Variants in DTNA observed in about 807,000 individuals in gnomAD.
DTNA encodes the protein dystrobrevin alpha, also known as dystrophin-related protein 3.
A neutral mutation model predicts 100.7 loss-of-function variants in DTNA; 43 were observed. The observed-to-expected ratio is 0.43, with a 90% CI of 0.33 to 0.55. DTNA has a LOEUF of 0.55. Among genes scored for constraint, DTNA ranks in the 20% least tolerant of loss-of-function variants. The pLI, the probability that DTNA is intolerant of heterozygous loss-of-function variation, is 0.04. For synonymous variants in DTNA, 349 were observed against 347.9 expected, an observed-to-expected ratio of 1.00 and a Z score of -0.04; for missense variants, 798 against 953.9, an observed-to-expected ratio of 0.84 and a Z score of 2.15.
intron 1 of DTNA, among the ~76,000 whole-genome samples, chr18:34,635,939 A>C (rs2730126): frequency 0.21 from 32,460 of 151,516 alleles, 4,035 homozygotes; most frequent in African/African-American, 0.33. Flanking sequence ...AATATCCAAG[A>C]TTGAATAACC....
At chr18:34,533,004 C>T (rs1415591971) in intron 1 of DTNA, among the ~76,000 whole-genome samples, 1 of 151,904 alleles carries the variant, frequency 6.6e-6, no homozygotes, top group Non-Finnish European at 1.5e-5. Context: ...GAATGCAGGA[C>T]ACTTATGTTG....
chr18:34,688,193 G>A (rs2079187527), intron 1 of DTNA, among the ~76,000 whole-genome samples: 1 of 152,184 alleles, frequency 6.6e-6, no homozygotes, highest in Non-Finnish European at 1.5e-5. Flanking sequence ...CATGATGCTA[G>A]CTGGTTATTT....
chr18:34,728,000 A>G (rs1045701926), intron 1 of DTNA, among the ~76,000 whole-genome samples: 3 of 152,228 alleles, frequency 2.0e-5, no homozygotes, highest in African/African-American at 7.2e-5. Context: ...GGTATCCTTA[A>G]TGACTGTCCA....
intron 17 of DTNA, among the ~76,000 whole-genome samples, chr18:34,865,119 A>T (rs1373156490): frequency 2.0e-5 from 3 of 152,218 alleles, no homozygotes; most frequent in African/African-American, 7.2e-5. Flanking sequence ...GAAACTTCTG[A>T]TAGGAGAATG....
chr18:34,732,771 A>G (rs1047591676), intron 1 of DTNA, among the ~76,000 whole-genome samples: 1 of 152,208 alleles, frequency 6.6e-6, no homozygotes, highest in African/African-American at 2.4e-5. Context: ...TTAAATTTCA[A>G]TTTCAGATAA....
chr18:34,806,170 G>A (rs1568585564), intron 4 of DTNA, 49 bp from the exon 5 acceptor site: 2 of 1,516,200 alleles, frequency 1.3e-6, no homozygotes, highest in South Asian at 2.3e-5. Flanking sequence ...ATGACATCAT[G>A]GTTTTGTTTT....
chr18:34,725,165 C>A (rs988391409), intron 1 of DTNA, among the ~76,000 whole-genome samples: 6 of 152,112 alleles, frequency 3.9e-5, no homozygotes, highest in Non-Finnish European at 8.8e-5. Flanking sequence ...CTAGGCAATA[C>A]CATTCAGGAG....
chr18:34,826,350 C>T (rs1180484492), intron 9 of DTNA, among the ~76,000 whole-genome samples: 1 of 151,902 alleles, frequency 6.6e-6, no homozygotes, highest in Non-Finnish European at 1.5e-5. Flanking sequence ...TACACTGTAC[C>T]ATATTTGTGA....
intron 1 of DTNA, among the ~76,000 whole-genome samples, chr18:34,735,547 T>C (rs902066936): frequency 6.6e-6 from 1 of 152,090 alleles, no homozygotes; most frequent in Admixed American, 6.5e-5. Context: ...TTGATTTTCT[T>C]TTATTATTAT....
At chr18:34,720,054 A>G (rs529246910) in intron 1 of DTNA, among the ~76,000 whole-genome samples, 2 of 152,314 alleles carry the variant, frequency 1.3e-5, no homozygotes, top group East Asian at 3.9e-4. Context: ...TAATATTTTT[A>G]TAACCTAAGG....
At chr18:34,562,634 T>A (rs1343999761) in intron 1 of DTNA, among the ~76,000 whole-genome samples, 1 of 152,156 alleles carries the variant, frequency 6.6e-6, no homozygotes. Context: ...TACCTGATGA[T>A]CACTTAGGGC....
intron 16 of DTNA, among the ~76,000 whole-genome samples, chr18:34,861,913 T>C (rs2096632731): frequency 6.6e-6 from 1 of 152,182 alleles, no homozygotes; most frequent in Admixed American, 6.6e-5. Flanking sequence ...CAGTTAACGT[T>C]CTCTGATAGT....
intron 11 of DTNA, among the ~76,000 whole-genome samples, chr18:34,832,852 T>G (rs2096049373): frequency 1.3e-5 from 2 of 152,188 alleles, no homozygotes; most frequent in East Asian, 3.9e-4. Flanking sequence ...TTTAAGTTAG[T>G]GTGATGGCCT....
intron 1 of DTNA, among the ~76,000 whole-genome samples, chr18:34,537,846 A>T (rs974665258): frequency 6.6e-6 from 1 of 152,042 alleles, no homozygotes; most frequent in Non-Finnish European, 1.5e-5. Flanking sequence ...ATGAAATGTT[A>T]TACACTTGAA....
At chr18:34,528,319 T>C (rs889412489) in intron 1 of DTNA, among the ~76,000 whole-genome samples, 1 of 152,072 alleles carries the variant, frequency 6.6e-6, no homozygotes, top group African/African-American at 2.4e-5. Context: ...CATTAAAAAT[T>C]CTAGAATTGT....
chr18:34,511,011 C>T (rs2041026964), intron 1 of DTNA, among the ~76,000 whole-genome samples: 1 of 151,948 alleles, frequency 6.6e-6, no homozygotes. Flanking sequence ...TCATGAAAGT[C>T]CATGGATTTA....
chr18:34,784,527 T>C (rs2094444447), intron 3 of DTNA, among the ~76,000 whole-genome samples: 2 of 152,192 alleles, frequency 1.3e-5, no homozygotes, highest in Admixed American at 6.5e-5. Context: ...GAGCCTTACC[T>C]CCTCTTCCAA....
At chr18:34,566,856 C>T (rs2047133770) in intron 1 of DTNA, among the ~76,000 whole-genome samples, 1 of 152,222 alleles carries the variant, frequency 6.6e-6, no homozygotes, top group Admixed American at 6.5e-5. Context: ...AATGTTTATA[C>T]ACCATAGAGA....
At chr18:34,667,021 C>G (rs1217585167) in intron 1 of DTNA, among the ~76,000 whole-genome samples, 2 of 152,144 alleles carry the variant, frequency 1.3e-5, no homozygotes, top group Non-Finnish European at 2.9e-5. Context: ...GGCAGTATGG[C>G]CATTTTCACG....
Sources: allele counts gnomAD v4.1 joint callset (sites outside exome capture counted in the v4.1 genomes callset), GRCh38; gene constraint gnomAD v4.1.1; transcripts MANE v1.5; gene names NCBI Gene and HGNC (gene_info 2026-07-23, HGNC 2026-07-21).